The following KIF27 variants were observed in gnomAD, a reference collection of about 807,000 sequenced individuals.
KIF27 encodes the protein kinesin-like protein KIF27.
In KIF27, 84 loss-of-function variants were observed where a neutral mutation model predicts 141.8. That is an observed-to-expected ratio of 0.59 (90% CI 0.50 to 0.71). The LOEUF is 0.71. Ranked by LOEUF, KIF27 falls within the 30% of genes least tolerant of loss-of-function variation. The pLI is 0.00. For synonymous variants in KIF27, 471 were observed against 569.5 expected, an observed-to-expected ratio of 0.83 and a Z score of 2.46; for missense variants, 1,306 against 1,628.4, an observed-to-expected ratio of 0.80 and a Z score of 3.41.
In KIF27 at chr9:83,870,492, A is replaced by G. The variant is rs777631454; in HGVS notation, c.2757+27T>C. On this transcript the variant is annotated intron_variant, in intron 12 of 17. Transcript: ENST00000297814. Reference sequence around the variant, plus strand: ...ACAACCATCAGATTGAAGAGAAACCAGGAAACACTAAATAGAATTGACAAA... The same window carrying G: ...ACAACCATCAGATTGAAGAGAAACCGGGAAACACTAAATAGAATTGACAAA... 4 of 1,613,022 alleles carry G rather than the reference A, an allele frequency of 2.5e-6. No homozygotes were observed. In the Admixed American group the frequency reaches 5.0e-5, roughly 20 times the overall value.
At chr9:83,849,201 A>G (rs915182539) in intron 16 of KIF27, among the ~76,000 whole-genome samples, 2 of 152,238 alleles carry the variant, frequency 1.3e-5, no homozygotes, top group African/African-American at 2.4e-5. Context: ...TATCAGTTTC[A>G]GAACTAAACT....
At chr9:83,886,514 A>T (rs1344714176) in intron 9 of KIF27, among the ~76,000 whole-genome samples, 1 of 152,026 alleles carries the variant, frequency 6.6e-6, no homozygotes, top group Non-Finnish European at 1.5e-5. Context: ...TAATAACAGG[A>T]CTATATTTTA....
rs765285537 is a variant in KIF27 at position 83,870,570 on chromosome 9, T to C, written c.2706A>G (p.Ala902=). Residue 902 remains alanine (A), a synonymous_variant, in exon 12 of 18, where the codon GCA becomes GCG. Coordinates refer to ENST00000297814, the MANE Select transcript of KIF27 (RefSeq NM_017576.4). Reference sequence around the variant, plus strand: ...AACCTTTTCTCCTTTTCAAGTTACATGCATCAAGGTCCTCAGCTTTCGGTT... The same window carrying C: ...AACCTTTTCTCCTTTTCAAGTTACACGCATCAAGGTCCTCAGCTTTCGGTT... ...GLKPKAEDLD[A]CNLKRRKGSF... is the part of the protein sequence containing the mutation. 6.2e-7 allele frequency: 1 copy of C among 1,613,994 alleles called. No individual in the cohort carries two copies. The highest frequency in any genetic ancestry group is 1.7e-5 in the Admixed American group (1 of 60,020).
In KIF27 at chr9:83,860,752, T is replaced by G. The variant is rs1378052822; in HGVS notation, c.2935-1381A>C. On this transcript the variant is annotated intron_variant, in intron 13 of 17. Coordinates refer to ENST00000297814, the MANE Select transcript of KIF27 (RefSeq NM_017576.4). Reference sequence around the variant, plus strand: ...TGGACCAGTTGTCCTGGGTCTTCCCTTTGGTATTTCCTGAGAATTTCCATG... The same window carrying G: ...TGGACCAGTTGTCCTGGGTCTTCCCGTTGGTATTTCCTGAGAATTTCCATG... 2.0e-5 allele frequency among the ~76,000 whole-genome samples: 3 copies of G among 152,220 alleles called. No individual in the cohort carries two copies. In the East Asian group the frequency reaches 5.8e-4, roughly 29 times the overall value.
At chr9:83,893,805 C>T (rs1037810751) in intron 5 of KIF27, among the ~76,000 whole-genome samples, 8 of 151,852 alleles carry the variant, frequency 5.3e-5, no homozygotes, top group African/African-American at 1.9e-4. Context: ...CAAACATACA[C>T]TAGTGAGGAT....
Position 83,859,493 on chromosome 9 carries a change from T to C in KIF27, c.2935-122A>G, listed in dbSNP as rs142811361. The C allele has an allele frequency of 1.2e-3, 846 of 688,500 alleles. 4 individuals are homozygous for C. In the African/African-American group the frequency reaches 0.014, roughly 12 times the overall value. The allele number at this position is 688,500 out of a possible 1,614,324, so 42.6% of individuals were successfully genotyped here. Reference sequence around the variant, plus strand: ...TATATTTTTAGTTTTTATATTATTGTTTTCTCCCATGGATTTTTTTGAGGG... The same window carrying C: ...TATATTTTTAGTTTTTATATTATTGCTTTCTCCCATGGATTTTTTTGAGGG... On this transcript the variant is annotated intron_variant, in intron 13 of 17. Transcript: ENST00000297814.
At chr9:83,908,754 AT>A in intron 2 of KIF27, 102 bp from the exon 3 acceptor site, 1 of 650,742 alleles carries the variant, frequency 1.5e-6, no homozygotes, top group Non-Finnish European at 2.4e-6. Flanking sequence ...TCTATATATT[AT>A]AACTTTTTTT....
At chr9:83,912,817 C>T (rs951514526) in intron 2 of KIF27, among the ~76,000 whole-genome samples, 30 of 152,050 alleles carry the variant, frequency 2.0e-4, no homozygotes, top group South Asian at 6.2e-4. Flanking sequence ...GTAATTCCAA[C>T]GTTCTGAAAA....
intron 17 of KIF27, among the ~76,000 whole-genome samples, chr9:83,841,351 A>G (rs1208562714): frequency 6.6e-5 from 10 of 152,192 alleles, no homozygotes; most frequent in Non-Finnish European, 1.2e-4. Context: ...GATTACAGGC[A>G]TGAGCCACCG....
chr9:83,876,634 G>A (rs1951221888), intron 11 of KIF27, among the ~76,000 whole-genome samples: 1 of 152,170 alleles, frequency 6.6e-6, no homozygotes, highest in Non-Finnish European at 1.5e-5. Flanking sequence ...AGAGCAAGGT[G>A]GGAGGACTTA....
At chr9:83,889,505 A>G (rs970186842) in intron 6 of KIF27, among the ~76,000 whole-genome samples, 119 of 152,260 alleles carry the variant, frequency 7.8e-4, no homozygotes, top group Middle Eastern at 3.4e-3. Context: ...CTTCACTTAC[A>G]GAAAACAGTA....
Position 83,835,389 on chromosome 9 carries a change from T to C in KIF27, c.*1612A>G, listed in dbSNP as rs1289205941. Among the ~76,000 whole-genome samples, 1 of 152,076 alleles carries C rather than the reference T, an allele frequency of 6.6e-6. No homozygotes were observed. The highest frequency in any genetic ancestry group is 2.4e-5 in the African/African-American group (1 of 41,436). ...CCAGTTAAGTTTGTAAATTAGTTTT[T>C]TGAAATTTAGAAAATAGTATCTCAT... On this transcript the variant is annotated 3_prime_UTR_variant, in exon 18 of 18. Transcript: ENST00000297814.
chr9:83,913,444 C>CT (rs879616937), intron 2 of KIF27, among the ~76,000 whole-genome samples: 73 of 146,746 alleles, frequency 5.0e-4, no homozygotes, highest in South Asian at 6.4e-4. Flanking sequence ...ATAAATCCAA[C>CT]TTTTTTTTTT....
At chr9:83,885,527 A>G (rs945084037) in intron 9 of KIF27, among the ~76,000 whole-genome samples, 6 of 152,284 alleles carry the variant, frequency 3.9e-5, no homozygotes, top group African/African-American at 1.4e-4. Context: ...ACTTTAAAAT[A>G]CATACAACTA....
intron 1 of KIF27, among the ~76,000 whole-genome samples, chr9:83,917,560 C>G (rs999545959): frequency 2.6e-5 from 4 of 152,132 alleles, no homozygotes; most frequent in Non-Finnish European, 4.4e-5. Context: ...AATTTCAAAA[C>G]CAAACAACAG....
At chr9:83,872,210 G>GGA (rs1950853197) in intron 11 of KIF27, among the ~76,000 whole-genome samples, 1 of 152,170 alleles carries the variant, frequency 6.6e-6, no homozygotes, top group South Asian at 2.1e-4. Flanking sequence ...CAGCTACTCA[G>GGA]GAGGCTGAGG....
chr9:83,869,837 A>G (rs974751359), intron 12 of KIF27, among the ~76,000 whole-genome samples: 5 of 152,218 alleles, frequency 3.3e-5, no homozygotes, highest in African/African-American at 7.2e-5. Flanking sequence ...TTCTACCAAA[A>G]TAAGAATATA....
intron 13 of KIF27, among the ~76,000 whole-genome samples, chr9:83,866,612 T>C (rs1281320331): frequency 4.6e-5 from 7 of 152,154 alleles, no homozygotes; most frequent in African/African-American, 1.7e-4. Context: ...GCATGGTGGC[T>C]CATGCCTGTA....
Position 83,866,741 on chromosome 9 carries a change from T to C in KIF27, c.2934+943A>G, listed in dbSNP as rs190415660. Among the ~76,000 whole-genome samples, 308 of 152,042 alleles carry C rather than the reference T, an allele frequency of 2.0e-3. 4 individuals carry two copies. Among genetic ancestry groups the C allele is most frequent in the Non-Finnish European group, 1.7e-3 (115 of 67,958 alleles). On this transcript the variant is annotated intron_variant, in intron 13 of 17. Coordinates refer to ENST00000297814, the MANE Select transcript of KIF27 (RefSeq NM_017576.4). Reference sequence around the variant, plus strand: ...AAATACAAAAACTAGCTGGGCATGGTGGTGTGCGCCTGTAGTCCGAGCTAC... The same window carrying C: ...AAATACAAAAACTAGCTGGGCATGGCGGTGTGCGCCTGTAGTCCGAGCTAC...
Sources: allele counts gnomAD v4.1 joint callset (sites outside exome capture counted in the v4.1 genomes callset), GRCh38; gene constraint gnomAD v4.1.1; transcripts MANE v1.5; gene names NCBI Gene and HGNC (gene_info 2026-07-23, HGNC 2026-07-21).